The following EIF2S1 variants were observed in gnomAD, a reference collection of about 807,000 sequenced individuals.
The protein encoded by EIF2S1 is eukaryotic translation initiation factor 2 subunit alpha.
Under a neutral mutation model 33.5 loss-of-function variants are expected in EIF2S1, and 5 were observed. The ratio of observed to expected loss-of-function variants is 0.15; its 90% confidence interval spans 0.08 to 0.31. EIF2S1 has a LOEUF of 0.31. Ranked by LOEUF, EIF2S1 falls within the 10% of genes least tolerant of loss-of-function variation. The probability of loss-of-function intolerance (pLI) is 1.00; values close to 1 mark genes in which losing one functional copy is unlikely to be tolerated. For synonymous variants in EIF2S1, 99 were observed against 127.5 expected (o/e 0.78, Z 1.51); for missense variants, 191 against 384.6 (o/e 0.50, Z 4.21).
At chr14:67,374,387 C>T (rs532353510) in intron 2 of EIF2S1, 81 bp from the exon 3 acceptor site, 4 of 712,970 alleles carry the variant, frequency 5.6e-6, no homozygotes, top group African/African-American at 5.4e-5. Context: ...CAATCAAACA[C>T]TTAATTTGGT....
chr14:67,371,881 AAT>A (rs1219366302), intron 2 of EIF2S1, among the ~76,000 whole-genome samples: 1 of 152,216 alleles, frequency 6.6e-6, no homozygotes, highest in Non-Finnish European at 1.5e-5. Flanking sequence ...TAAAACAATT[AAT>A]ATGTTTTTCA....
At chr14:67,365,130 TTACA>T (rs2085766190) in intron 2 of EIF2S1, 122 bp downstream of exon 2, 1 of 1,081,400 alleles carries the variant, frequency 9.2e-7, no homozygotes. Context: ...CTTAAACCTT[TTACA>T]TACAAAGTTG....
At chr14:67,364,690 G>A in intron 1 of EIF2S1, 77 bp from the exon 2 acceptor site, 2 of 1,378,054 alleles carry the variant, frequency 1.5e-6, no homozygotes, top group Non-Finnish European at 2.0e-6. Context: ...TCTTTCAGTG[G>A]CAGGATGTGG....
intron 6 of EIF2S1, 71 bp downstream of exon 6, chr14:67,381,761 T>TG: frequency 8.6e-7 from 1 of 1,158,458 alleles, no homozygotes; most frequent in African/African-American, 1.6e-5. Flanking sequence ...GATCTTTGTT[T>TG]CTTTTTTTTT....
intron 6 of EIF2S1, among the ~76,000 whole-genome samples, chr14:67,381,997 G>A (rs2085889941): frequency 6.6e-6 from 1 of 152,048 alleles, no homozygotes; most frequent in Non-Finnish European, 1.5e-5. Context: ...TTAAAAAAGA[G>A]TAACACTTTC....
chr14:67,379,782 A>G (rs56784297), intron 4 of EIF2S1, among the ~76,000 whole-genome samples: 19,183 of 135,828 alleles, frequency 0.14, 2,275 homozygotes, highest in East Asian at 0.4. Flanking sequence ...AGCCTCCCAA[A>G]TAGCTGGGAC....
chr14:67,379,741 G>T (rs1249655022), intron 4 of EIF2S1, among the ~76,000 whole-genome samples: 1 of 129,276 alleles, frequency 7.7e-6, no homozygotes, highest in Admixed American at 8.7e-5. Context: ...TGCAAGCTCC[G>T]CCTCCCGGGT....
At chr14:67,361,259 GAA>G (rs1326026560) in intron 1 of EIF2S1, among the ~76,000 whole-genome samples, 1 of 152,168 alleles carries the variant, frequency 6.6e-6, no homozygotes, top group Non-Finnish European at 1.5e-5. Flanking sequence ...GTATAGCAGA[GAA>G]GTCTTTATTT....
chr14:67,363,244 A>G (rs1030460401), intron 1 of EIF2S1, among the ~76,000 whole-genome samples: 22 of 152,012 alleles, frequency 1.4e-4, no homozygotes, highest in South Asian at 6.3e-4. Context: ...AAACGAAACA[A>G]ACAGTCAGCT....
chr14:67,378,442 T>TAC (rs2085869455), intron 4 of EIF2S1, among the ~76,000 whole-genome samples: 1 of 152,082 alleles, frequency 6.6e-6, no homozygotes. Context: ...ATCCTTTTCT[T>TAC]ACAGTTGAAG....
rs147731362 is a variant in EIF2S1, at chr14:67,360,939, G to T, written c.-2+483G>T. ...CTTACCTGAGAAACCTGTGGGACGG[G>T]CACCGTGTTGGAAAGAGCGGGGTCC... On this transcript the variant is annotated intron_variant, in intron 1 of 7. Transcript: ENST00000256383. Among the ~76,000 whole-genome samples, 280 of 152,260 alleles carry T rather than the reference G, an allele frequency of 1.8e-3. 1 individual carries two copies. The highest frequency in any genetic ancestry group is 6.5e-3 in the African/African-American group (272 of 41,540).
At position 67,383,584 on chromosome 14, in the gene EIF2S1, G is replaced by C. The variant is rs914111750; in HGVS notation, c.*144G>C. On this transcript the variant is annotated 3_prime_UTR_variant, in exon 8 of 8. Transcript: ENST00000256383. ...AGTATTTAAATGTTCTAACAGATCA[G>C]AACATGAAATGCCCTCCTAAATGTC... 1 of 1,228,024 alleles carries C rather than the reference G, an allele frequency of 8.1e-7. No individual in the cohort carries two copies. Among genetic ancestry groups the C allele is most frequent in the South Asian group, 1.3e-5 (1 of 77,336 alleles). The allele number at this position is 1,228,024 out of a possible 1,614,324, so 76.1% of individuals were successfully genotyped here. A position where few individuals can be genotyped will look rare whatever the true frequency, so the allele number is the denominator to read the frequency against.
intron 2 of EIF2S1, among the ~76,000 whole-genome samples, chr14:67,372,616 G>A (rs1415479822): frequency 2.0e-5 from 3 of 152,142 alleles, no homozygotes; most frequent in Non-Finnish European, 4.4e-5. Flanking sequence ...AGATCATGAG[G>A]TCAGGAGATT....
At chr14:67,373,675 A>G (rs1327818362) in intron 2 of EIF2S1, among the ~76,000 whole-genome samples, 1 of 152,148 alleles carries the variant, frequency 6.6e-6, no homozygotes, top group East Asian at 1.9e-4. Flanking sequence ...TTAACCTTTC[A>G]TGGGTTTTAG....
chr14:67,374,547 T>C lies in EIF2S1; in HGVS notation c.321T>C (p.Thr107=). The C allele has an allele frequency of 6.2e-7, 1 of 1,600,514 alleles. No homozygotes were observed. Among genetic ancestry groups the C allele is most frequent in the Non-Finnish European group, 8.5e-7 (1 of 1,171,166 alleles). Residue 107 remains threonine (T), a splice_region_variant and synonymous_variant, in exon 3 of 8, where the codon ACT becomes ACC. Coordinates refer to ENST00000256383, the MANE Select transcript of EIF2S1 (RefSeq NM_004094.5). Reference sequence around the variant, plus strand: ...AAGACAAATTCACAAAATCCAAAACTGTAAGTTGATCTTTGAGTCAAATTA... The same window carrying C: ...AAGACAAATTCACAAAATCCAAAACCGTAAGTTGATCTTTGAGTCAAATTA... ...KCEDKFTKSK[T]VYSILRHVAE...
intron 4 of EIF2S1, among the ~76,000 whole-genome samples, chr14:67,379,654 CTTT>C (rs541791101): frequency 8.3e-6 from 1 of 119,948 alleles, no homozygotes; most frequent in Non-Finnish European, 1.6e-5. Context: ...TTTTCTTTTT[CTTT>C]TTTTTTTTTT....
chr14:67,375,126 A>G (rs573042600), intron 3 of EIF2S1, among the ~76,000 whole-genome samples: 15 of 152,204 alleles, frequency 9.9e-5, no homozygotes, highest in Non-Finnish European at 1.9e-4. Context: ...CTTGTCATCC[A>G]CAGTAAGCAG....
At chr14:67,367,951 T>C (rs536260272) in intron 2 of EIF2S1, among the ~76,000 whole-genome samples, 2 of 152,326 alleles carry the variant, frequency 1.3e-5, no homozygotes, top group South Asian at 4.1e-4. Flanking sequence ...TTAGTTTCTT[T>C]AAAAATATAT....
rs749190731 is a variant in EIF2S1, at chr14:67,382,502, C to G, written c.734C>G (p.Thr245Arg). 2 of 1,613,574 alleles carry G rather than the reference C, an allele frequency of 1.2e-6. No homozygotes were observed. The change falls in exon 7 of 8, where the codon ACA becomes AGA. Residue 245 changes from threonine to arginine, a missense_variant. Thr to Arg is a moderately conservative substitution (Grantham distance 71, BLOSUM62 -1). Transcript: ENST00000256383. Reference protein sequence around the residue: ...YVMTTTTLERTEGLSVLSQAM... With the variant: ...YVMTTTTLERREGLSVLSQAM... ...ATGACTACGACAACCCTGGAGAGAA[C>G]AGAAGGCCTTTCTGTCCTCAGTCAA...
Sources: allele counts gnomAD v4.1 joint callset (sites outside exome capture counted in the v4.1 genomes callset), GRCh38; gene constraint gnomAD v4.1.1; transcripts MANE v1.5; gene names NCBI Gene and HGNC (gene_info 2026-07-23, HGNC 2026-07-21).